Variants in CFAP47 observed in about 807,000 individuals in gnomAD.
CFAP47 encodes cilia and flagella associated protein 47.
In CFAP47, 29 loss-of-function variants were observed where a neutral mutation model predicts 148.1. That is an observed-to-expected ratio of 0.20 (90% CI 0.15 to 0.27). CFAP47 has a LOEUF of 0.27. Among genes scored for constraint, CFAP47 ranks in the 10% least tolerant of loss-of-function variants. The pLI is 1.00. For synonymous variants in CFAP47, 664 were observed against 577.3 expected, an observed-to-expected ratio of 1.15 and a Z score of -2.15; for missense variants, 1,872 against 1,697.5, an observed-to-expected ratio of 1.10 and a Z score of -1.81.
intron 57 of CFAP47, among the ~76,000 whole-genome samples, chrX:36,347,029 A>T (rs1941703457): frequency 8.9e-6 from 1 of 112,266 alleles, no homozygotes; most frequent in South Asian, 3.7e-4. Flanking sequence ...AAATGTTTGC[A>T]ATCTATCCAT....
In CFAP47 at chrX:36,005,008, GT is replaced by G. The variant is rs1165686536; in HGVS notation, c.3417+3311del. ...ATTTATTGATATATATGTGTTAATG[GT>G]TTTTTTTTTATTTCTGTAAGGTAGG... is the stretch of plus-strand genomic sequence containing the variant. On this transcript the variant is annotated intron_variant, in intron 21 of 63. Coordinates refer to ENST00000378653, the MANE Select transcript of CFAP47 (RefSeq NM_001304548.2). 6.0e-3 allele frequency among the ~76,000 whole-genome samples: 633 copies of G among 106,277 alleles called. 6 individuals are homozygous for G. Among genetic ancestry groups the G allele is most frequent in the African/African-American group, 0.02 (586 of 29,478 alleles). The allele number at this position is 106,277 out of a possible 115,157, so 92.3% of individuals were successfully genotyped here. A position where few individuals can be genotyped will look rare whatever the true frequency, so the allele number is the denominator to read the frequency against.
At chrX:36,018,428 C>T (rs779589059) in intron 22 of CFAP47, among the ~76,000 whole-genome samples, 1 of 111,872 alleles carries the variant, frequency 8.9e-6, no homozygotes, top group Non-Finnish European at 1.9e-5. Context: ...GTATCCTTGT[C>T]ATGTTTCATA....
intron 37 of CFAP47, among the ~76,000 whole-genome samples, chrX:36,149,608 A>T (rs866663307): frequency 6.0e-5 from 4 of 66,217 alleles, no homozygotes; most frequent in African/African-American, 2.7e-4. Flanking sequence ...TTATTTATTT[A>T]TTTATTTTAT....
At chrX:36,112,890 G>T (rs1024204008) in intron 33 of CFAP47, among the ~76,000 whole-genome samples, 1 of 110,844 alleles carries the variant, frequency 9.0e-6, no homozygotes, top group Non-Finnish European at 1.9e-5. Flanking sequence ...CTTTGGTTTT[G>T]TCTGAGATGT....
Position 36,252,064 on chromosome X carries a change from A to AAGTT in CFAP47, c.7444+621_7444+624dup, listed in dbSNP as rs202134999. On this transcript the variant is annotated intron_variant, in intron 49 of 63. Transcript: ENST00000378653. ...AGTGATTATGATTCATCAAAGGAAT[A>AAGTT]AGTTGTCCTATTTGAGAGAAAATTA... 2.0e-3 allele frequency among the ~76,000 whole-genome samples: 222 copies of AAGTT among 111,223 alleles called. 1 individual carries two copies. Among genetic ancestry groups the AAGTT allele is most frequent in the African/African-American group, 6.8e-3 (210 of 30,693 alleles).
chrX:36,350,245 C>A, intron 59 of CFAP47, 113 bp downstream of exon 59: 1 of 417,938 alleles, frequency 2.4e-6, no homozygotes, highest in Non-Finnish European at 4.1e-6. Context: ...TGTGAACAGT[C>A]CTACTGGTGG....
At chrX:36,144,530 G>T in intron 35 of CFAP47, 1 of 1,005,834 alleles carries the variant, frequency 9.9e-7, no homozygotes. Context: ...ATTGAAGGAT[G>T]CCAAGATGAC....
chrX:36,038,228 A>G (rs969705636), intron 24 of CFAP47, among the ~76,000 whole-genome samples: 4 of 111,947 alleles, frequency 3.6e-5, no homozygotes, highest in African/African-American at 9.8e-5. Context: ...GATGGCCCCA[A>G]TCTTTGCTAA....
In CFAP47 at chrX:35,948,432, A is replaced by T. The variant is rs1465796177; in HGVS notation, c.636A>T (p.Arg212Ser). Residue 212 changes from arginine to serine, a missense_variant, in exon 4 of 64, where the codon AGA (arginine) becomes AGT (serine). Transcript: ENST00000378653. ...IKVDFCADQP[R>S]IVDEEAIVIL... ...TAGATTTCTGTGCAGACCAGCCAAG[A>T]ATTGTAGATGAAGAGGCAATGTGAG... 8.3e-7 allele frequency: 1 copy of T among 1,202,078 alleles called. No individual in the cohort carries two copies. The highest frequency in any genetic ancestry group is 1.1e-6 in the Non-Finnish European group (1 of 888,799).
chrX:35,924,071 GTATATA>G, intron 1 of CFAP47, among the ~76,000 whole-genome samples: 1 of 83,717 alleles, frequency 1.2e-5, no homozygotes, highest in Admixed American at 1.4e-4. Context: ...GCACATATAT[GTATATA>G]TGTACATGTA....
At chrX:36,225,335 A>T (rs2146898407) in intron 45 of CFAP47, among the ~76,000 whole-genome samples, 1 of 112,057 alleles carries the variant, frequency 8.9e-6, no homozygotes, top group East Asian at 2.8e-4. Context: ...CCTTATAAGA[A>T]CCTTGAAGAC....
intron 33 of CFAP47, among the ~76,000 whole-genome samples, chrX:36,105,207 A>G (rs1938446239): frequency 8.9e-6 from 1 of 112,024 alleles, no homozygotes; most frequent in African/African-American, 3.2e-5. Flanking sequence ...AGATGAATTT[A>G]CATTCTAACA....
chrX:36,099,961 T>C (rs1938346286), intron 32 of CFAP47, 82 bp downstream of exon 32: 2 of 517,367 alleles, frequency 3.9e-6, no homozygotes, highest in Admixed American at 3.3e-5. Flanking sequence ...AATGCTGCTA[T>C]GAAAGATTCA....
intron 57 of CFAP47, among the ~76,000 whole-genome samples, chrX:36,325,326 A>G (rs1176719217): frequency 9.0e-6 from 1 of 111,668 alleles, no homozygotes; most frequent in Non-Finnish European, 1.9e-5. Context: ...ATGCTGAGAT[A>G]TATAGGAGTT....
rs1017922841 is a variant in CFAP47, at chrX:35,984,805, G to C, written c.2714-4514G>C. On this transcript the variant is annotated intron_variant, in intron 15 of 63. Transcript: ENST00000378653. ...TTCTATTTTTATTGTGCTGTGGTCT[G>C]ATGGTGTTTTGTTTGATTTTGTTTT... Among the ~76,000 whole-genome samples, 10 of 111,574 alleles carry C rather than the reference G, an allele frequency of 9.0e-5. No homozygotes were observed. In the Admixed American group the frequency reaches 9.5e-4, roughly 11 times the overall value.
At chrX:36,263,817 C>T (rs1322205288) in intron 49 of CFAP47, among the ~76,000 whole-genome samples, 1 of 111,878 alleles carries the variant, frequency 8.9e-6, no homozygotes, top group African/African-American at 3.3e-5. Context: ...ACTTTTCACT[C>T]TGCTTTTCTC....
At chrX:36,198,003 G>A in intron 42 of CFAP47, among the ~76,000 whole-genome samples, 1 of 111,400 alleles carries the variant, frequency 9.0e-6, no homozygotes, top group Non-Finnish European at 1.9e-5. Flanking sequence ...ATCTAGATTT[G>A]TAATATTTTA....
At chrX:35,993,946 T>G (rs1936816972) in intron 18 of CFAP47, among the ~76,000 whole-genome samples, 1 of 111,901 alleles carries the variant, frequency 8.9e-6, no homozygotes, top group Admixed American at 9.5e-5. Context: ...CTGCTTTATG[T>G]TCTCGGAATT....
intron 33 of CFAP47, among the ~76,000 whole-genome samples, chrX:36,116,031 C>T (rs903089285): frequency 8.9e-6 from 1 of 112,057 alleles, no homozygotes; most frequent in African/African-American, 3.2e-5. Flanking sequence ...CATTTTTTCA[C>T]ACTGTAACCG....
Sources: gnomAD v4.1 joint callset for allele counts (sites outside exome capture counted in the v4.1 genomes callset) on GRCh38, gnomAD v4.1.1 for gene constraint, MANE v1.5 for transcripts, NCBI Gene and HGNC (gene_info 2026-07-23, HGNC 2026-07-21) for gene names.